The following DCSTAMP variants were observed in gnomAD, a reference collection of about 807,000 sequenced individuals.
DCSTAMP encodes the protein dendritic cell-specific transmembrane protein.
Under a neutral mutation model 33.8 loss-of-function variants are expected in DCSTAMP, and 25 were observed. The ratio of observed to expected loss-of-function variants is 0.74; its 90% CI spans 0.54 to 1.03. The LOEUF is 1.03. DCSTAMP is among the 50% of genes least tolerant of loss of function. The pLI, the probability that DCSTAMP is intolerant of heterozygous loss-of-function variation, is 0.00. For synonymous variants in DCSTAMP, 245 were observed against 216.7 expected, an observed-to-expected ratio of 1.13 and a Z score of -1.15; for missense variants, 531 against 556.8, an observed-to-expected ratio of 0.95 and a Z score of 0.47.
rs1810582543 is a variant in DCSTAMP at position 104,355,097 on chromosome 8, T to A, written c.1250T>A (p.Ile417Asn). Residue 417 changes from isoleucine to asparagine, a missense_variant, in exon 3 of 4, where the codon ATC (isoleucine) becomes AAC (asparagine). By Grantham distance (149) the Ile-to-Asn change is moderately radical. Transcript: ENST00000297581. ...SFYPSVERKRIQYLHAKLLKK... is the reference protein window; with the variant it reads ...SFYPSVERKRNQYLHAKLLKK... ...TACCCCAGCGTGGAGAGGAAGCGCATCCAATATCTGCATGCAAAGCTGCTT... is the reference window on the plus strand; with the variant it reads ...TACCCCAGCGTGGAGAGGAAGCGCAACCAATATCTGCATGCAAAGCTGCTT... 1 of 1,614,072 alleles carries A rather than the reference T, an allele frequency of 6.2e-7. No individual in the cohort carries two copies.
At chr8:104,345,850 C>A (rs1810301085) in intron 1 of DCSTAMP, among the ~76,000 whole-genome samples, 1 of 152,214 alleles carries the variant, frequency 6.6e-6, no homozygotes, top group Non-Finnish European at 1.5e-5. Flanking sequence ...CTTACAGAGT[C>A]AACTATTTTG....
In DCSTAMP at chr8:104,355,276, C is replaced by T. The variant is rs1052956100; in HGVS notation, c.1338+91C>T. ...GGGGACTTCGAAGCATTTAATGCTTCAACTTCACATCAGGGCTTGTACCCC... is the reference window on the plus strand; with the variant it reads ...GGGGACTTCGAAGCATTTAATGCTTTAACTTCACATCAGGGCTTGTACCCC... On this transcript the variant is annotated intron_variant, in intron 3 of 3. Transcript: ENST00000297581. The T allele has an allele frequency of 6.0e-6, 8 of 1,328,658 alleles. No homozygotes were observed. The African/African-American group carries it at 1.0e-4, about 17-fold the overall frequency. 82.3% of individuals were successfully genotyped at this position (1,328,658 alleles called of 1,614,324 possible). A position where few individuals can be genotyped will look rare whatever the true frequency, so the allele number is the denominator to read the frequency against.
In DCSTAMP at chr8:104,342,356, T is replaced by C. The variant is rs2099383053; in HGVS notation, c.-13+2494T>C. 2.0e-5 allele frequency among the ~76,000 whole-genome samples: 3 copies of C among 152,220 alleles called. No individual in the cohort carries two copies. In the South Asian group the frequency reaches 6.2e-4, roughly 31 times the overall value. ...TGGCCAAAATCAGCCGTCAGAGTGTTTAAAAATAATTTGAGCCAACAGTTT... is the reference window on the plus strand; with the variant it reads ...TGGCCAAAATCAGCCGTCAGAGTGTCTAAAAATAATTTGAGCCAACAGTTT... On this transcript the variant is annotated intron_variant, in intron 1 of 3. Transcript: ENST00000297581.
At chr8:104,342,874 T>G (rs1040862333) in intron 1 of DCSTAMP, among the ~76,000 whole-genome samples, 3 of 152,204 alleles carry the variant, frequency 2.0e-5, no homozygotes, top group Non-Finnish European at 4.4e-5. Flanking sequence ...TAACGCTGGC[T>G]GTAACAGTCT....
intron 1 of DCSTAMP, 123 bp downstream of exon 1, chr8:104,339,985 A>G (rs1241521661): frequency 2.0e-5 from 3 of 152,220 alleles, no homozygotes; most frequent in Non-Finnish European, 4.4e-5. Flanking sequence ...CAGTCTCCCT[A>G]TGTATGGAAG....
chr8:104,343,908 A>G (rs76165550), intron 1 of DCSTAMP, among the ~76,000 whole-genome samples: 16,346 of 152,256 alleles, frequency 0.11, 1,415 homozygotes, highest in East Asian at 0.22. Context: ...GTGAGAAATC[A>G]ATTTCTGCTG....
chr8:104,342,635 T>C (rs2140466332), intron 1 of DCSTAMP, among the ~76,000 whole-genome samples: 1 of 152,354 alleles, frequency 6.6e-6, no homozygotes, highest in South Asian at 2.1e-4. Context: ...GGTGCTTGTC[T>C]GACCCCTGTA....
intron 1 of DCSTAMP, among the ~76,000 whole-genome samples, chr8:104,341,481 C>A (rs1280677236): frequency 6.6e-6 from 1 of 152,228 alleles, no homozygotes; most frequent in Non-Finnish European, 1.5e-5. Context: ...GCTCTCAATG[C>A]TCCCACTGAC....
chr8:104,348,670 G>A lies in DCSTAMP; in HGVS notation c.118G>A (p.Ala40Thr), dbSNP rs140975924. 5 of 1,614,090 alleles carry A rather than the reference G, an allele frequency of 3.1e-6. No individual in the cohort carries two copies. The African/African-American group carries it at 6.7e-5, about 22-fold the overall frequency. Reference sequence around the variant, plus strand: ...GCATTTGGGAGTTTGCTGTTTGGTTGCTCTTATTTCAGTGGGCCTCCTGTC... The same window carrying A: ...GCATTTGGGAGTTTGCTGTTTGGTTACTCTTATTTCAGTGGGCCTCCTGTC... ...IQHLGVCCLVALISVGLLSVA... is the reference protein window; with the variant it reads ...IQHLGVCCLVTLISVGLLSVA... Residue 40 changes from alanine (A) to threonine (T), a missense_variant, in exon 2 of 4, where the codon GCT becomes ACT. Ala to Thr is a moderately conservative substitution (Grantham distance 58). Transcript: ENST00000297581.
At position 104,355,192 on chromosome 8, in the gene DCSTAMP, C is replaced by T; in HGVS notation, c.1338+7C>T. 1.2e-6 allele frequency: 2 copies of T among 1,603,894 alleles called. No homozygotes were observed. The highest frequency in any genetic ancestry group is 1.7e-6 in the Non-Finnish European group (2 of 1,175,820). ...GAGTCTCTATCTTACAAAGGTAAGG[C>T]CAAGATGGTGGTGTAACCTCCAATT... is the stretch of plus-strand genomic sequence containing the variant. On this transcript the variant is annotated splice_region_variant and intron_variant, in intron 3 of 3. Coordinates refer to ENST00000297581, the MANE Select transcript of DCSTAMP (RefSeq NM_030788.4).
chr8:104,344,189 TA>T (rs1190770571), intron 1 of DCSTAMP, among the ~76,000 whole-genome samples: 2 of 152,192 alleles, frequency 1.3e-5, no homozygotes, highest in African/African-American at 4.8e-5. Flanking sequence ...TCAATCAAAA[TA>T]ATCTGGACTT....
At chr8:104,356,103 T>C (rs1055507800) in intron 3 of DCSTAMP, 21 bp from the exon 4 acceptor site, 2 of 1,603,788 alleles carry the variant, frequency 1.2e-6, no homozygotes, top group Non-Finnish European at 1.7e-6. Flanking sequence ...TGCCCATTTA[T>C]CCACTTTTCT....
At chr8:104,352,511 C>T (rs371145911) in intron 2 of DCSTAMP, among the ~76,000 whole-genome samples, 3 of 152,280 alleles carry the variant, frequency 2.0e-5, no homozygotes, top group African/African-American at 7.2e-5. Flanking sequence ...TTCTCCCTCT[C>T]TCTCCTACAT....
chr8:104,339,877 A>G lies in DCSTAMP; in HGVS notation c.-13+15A>G, dbSNP rs1588366494. ...GAGAGAAACCTGTAAGTAAACTTTC[A>G]GAATAATCTTATTTCTAAAATTGCT... On this transcript the variant is annotated intron_variant, in intron 1 of 3. Transcript: ENST00000297581. The G allele has an allele frequency of 6.6e-6, 1 of 152,358 alleles. No individual in the cohort carries two copies. Among genetic ancestry groups the G allele is most frequent in the African/African-American group, 2.4e-5 (1 of 41,588 alleles). The allele number at this position is 152,358 out of a possible 1,614,324, so 9.4% of individuals were successfully genotyped here.
chr8:104,348,229 C>G (rs763474045), intron 1 of DCSTAMP, among the ~76,000 whole-genome samples: 6 of 152,218 alleles, frequency 3.9e-5, no homozygotes, highest in Non-Finnish European at 8.8e-5. Context: ...GGACTTAACA[C>G]AGCAGGAGCA....
intron 1 of DCSTAMP, among the ~76,000 whole-genome samples, chr8:104,346,769 ACCTG>A (rs759398657): frequency 6.6e-5 from 10 of 152,210 alleles, no homozygotes; most frequent in Non-Finnish European, 8.8e-5. Flanking sequence ...TTTATTCATA[ACCTG>A]CCTATTTCCC....
rs766538166 is a variant in DCSTAMP at position 104,348,799 on chromosome 8, CT to C, written c.249del (p.Val85SerfsTer14). ...CCSKHARCFI[L>X]LVFLSCGLRE... ...CTCCAAGCATGCACGATGTTTTATT[CT>C]TCTTGTCTTTCTCTCTTGTGGCCTG... On this transcript the variant is annotated frameshift_variant, in exon 2 of 4. Transcript: ENST00000297581. LOFTEE classifies it high-confidence loss of function. 263 of 1,614,164 alleles carry C rather than the reference CT, an allele frequency of 1.6e-4. 2 individuals are homozygous for C. In the Middle Eastern group the frequency reaches 3.0e-3, roughly 18 times the overall value.
intron 3 of DCSTAMP, 53 bp downstream of exon 3, chr8:104,355,238 G>C (rs369433244): frequency 6.5e-7 from 1 of 1,545,358 alleles, no homozygotes; most frequent in Non-Finnish European, 8.7e-7. Flanking sequence ...TGAGTTTGGA[G>C]GGAAATGGGA....
intron 1 of DCSTAMP, among the ~76,000 whole-genome samples, chr8:104,344,253 A>G (rs7014121): frequency 0.023 from 3,530 of 152,268 alleles, 142 homozygotes; most frequent in African/African-American, 0.081. Context: ...AGTAATTTAA[A>G]TTTTATTTAA....
Sources: allele counts gnomAD v4.1 joint callset (sites outside exome capture counted in the v4.1 genomes callset), GRCh38; gene constraint gnomAD v4.1.1; transcripts MANE v1.5; gene names NCBI Gene and HGNC (gene_info 2026-07-23, HGNC 2026-07-21).